The following SEM1 variants were observed in gnomAD, a reference collection of about 807,000 sequenced individuals.
SEM1 encodes SEM1 26S proteasome subunit.
In SEM1, 3 loss-of-function variants were observed where a neutral mutation model predicts 12.7. The ratio of observed to expected loss-of-function variants is 0.24; its 90% CI spans 0.11 to 0.61. The LOEUF is 0.61. SEM1 is among the 20% of genes least tolerant of loss of function. The pLI, the probability that SEM1 is intolerant of heterozygous loss-of-function variation, is 0.88. For synonymous variants in SEM1, 30 were observed against 27.8 expected (o/e 1.08, Z -0.25); for missense variants, 59 against 81.3 (o/e 0.73, Z 1.06).
chr7:96,588,377 C>G lies in SEM1; in HGVS notation c.171-81679G>C, dbSNP rs1359801455. ...AAACACACACACACACACACACACACACACACACACACACACACACGAGAG... is the reference window on the plus strand; with the variant it reads ...AAACACACACACACACACACACACAGACACACACACACACACACACGAGAG... On this transcript the variant is annotated intron_variant and NMD_transcript_variant, in intron 2 of 3. Coordinates refer to the SEM1 transcript ENST00000466986. Among the ~76,000 whole-genome samples the G allele has an allele frequency of 8.8e-5, 11 of 125,682 alleles. 1 individual carries two copies. In the East Asian group the frequency reaches 1.8e-3, roughly 20 times the overall value. 82.5% of individuals were successfully genotyped at this position (125,682 alleles called of 152,430 possible).
intron 2 of SEM1, among the ~76,000 whole-genome samples, chr7:96,594,501 G>A (rs890315740): frequency 1.3e-5 from 2 of 152,114 alleles, no homozygotes; most frequent in Non-Finnish European, 2.9e-5. Context: ...GGATGCATAG[G>A]TAAGTGAGTC....
chr7:96,599,071 A>G (rs368691937), intron 2 of SEM1, among the ~76,000 whole-genome samples: 1 of 152,174 alleles, frequency 6.6e-6, no homozygotes, highest in East Asian at 1.9e-4. Flanking sequence ...GAAGGAAGGA[A>G]GAAGGAAGGG....
chr7:96,703,240 C>T (rs1790327128), intron 1 of SEM1, among the ~76,000 whole-genome samples: 2 of 152,042 alleles, frequency 1.3e-5, no homozygotes, highest in African/African-American at 2.4e-5. Flanking sequence ...TTTGAGATTC[C>T]GGAGGATTTC....
chr7:96,677,912 A>G (rs1407943694), intron 2 of SEM1, among the ~76,000 whole-genome samples: 2 of 152,198 alleles, frequency 1.3e-5, no homozygotes, highest in African/African-American at 2.4e-5. Context: ...TTTTCACCCT[A>G]AAGTCCAGGA....
At chr7:96,669,938 T>G (rs994512325), downstream of SEM1, among the ~76,000 whole-genome samples, 1 of 152,216 alleles carries the variant, frequency 6.6e-6, no homozygotes, top group Non-Finnish European at 1.5e-5. Flanking sequence ...ATCTCATTAA[T>G]CCTACAATAA....
chr7:96,636,169 G>A (rs957207390), intron 2 of SEM1, among the ~76,000 whole-genome samples: 2 of 152,016 alleles, frequency 1.3e-5, no homozygotes, highest in Non-Finnish European at 1.5e-5. Flanking sequence ...CTGGAAAGGT[G>A]TGCAATATAA....
chr7:96,698,664 A>G lies in SEM1; in HGVS notation c.77-3773T>C, dbSNP rs75768239. Among the ~76,000 whole-genome samples the G allele has an allele frequency of 2.9e-3, 442 of 152,256 alleles. 2 individuals are homozygous for G. The highest frequency in any genetic ancestry group is 6.8e-3 in the Middle Eastern group (2 of 292). ...CCACCTTTTCTTTAACCAGTCCGTC[A>G]CTGATGGCCATTGGGATCGGTTCCA... is the stretch of plus-strand genomic sequence containing the variant. On this transcript the variant is annotated intron_variant, in intron 1 of 2. Coordinates refer to ENST00000248566, the MANE Select transcript of SEM1 (RefSeq NM_006304.2).
At chr7:96,682,517 T>C (rs928900297) in intron 2 of SEM1, among the ~76,000 whole-genome samples, 1 of 152,128 alleles carries the variant, frequency 6.6e-6, no homozygotes, top group African/African-American at 2.4e-5. Flanking sequence ...ACATTGGCTG[T>C]GGGTTTGTCA....
intron 2 of SEM1, among the ~76,000 whole-genome samples, chr7:96,577,631 C>A (rs568141423): frequency 2.6e-5 from 4 of 151,866 alleles, no homozygotes; most frequent in East Asian, 3.9e-4. Flanking sequence ...GAATTCAATG[C>A]CCTTGGAAAA....
intron 2 of SEM1, among the ~76,000 whole-genome samples, chr7:96,625,779 G>C (rs1194392260): frequency 6.6e-6 from 1 of 152,150 alleles, no homozygotes; most frequent in African/African-American, 2.4e-5. Flanking sequence ...GCTACACTTT[G>C]GGTTTACACG....
In SEM1 at chr7:96,579,943, C is replaced by T. The variant is rs753246310; in HGVS notation, c.171-73245G>A. ...ATTTTAAAAAATTTAAAACCTATTT[C>T]CTCACCTTTCAATTTTTTTAATTTA... On this transcript the variant is annotated intron_variant and NMD_transcript_variant, in intron 2 of 3. Transcript: ENST00000466986. Among the ~76,000 whole-genome samples the T allele has an allele frequency of 3.5e-5, 3 of 84,842 alleles. No individual in the cohort carries two copies. In the South Asian group the frequency reaches 1.6e-3, roughly 44 times the overall value. The allele number at this position is 84,842 out of a possible 152,430, so 55.7% of individuals were successfully genotyped here. A position where few individuals can be genotyped will look rare whatever the true frequency, so the allele number is the denominator to read the frequency against.
intron 2 of SEM1, among the ~76,000 whole-genome samples, chr7:96,509,773 T>G (rs1017087451): frequency 6.6e-6 from 1 of 152,134 alleles, no homozygotes; most frequent in Non-Finnish European, 1.5e-5. Flanking sequence ...AACGTTATGC[T>G]AGGTGAAATA....
chr7:96,630,342 C>T (rs1177494609), intron 2 of SEM1, among the ~76,000 whole-genome samples: 1 of 152,142 alleles, frequency 6.6e-6, no homozygotes, highest in Non-Finnish European at 1.5e-5. Flanking sequence ...ACTCAAGCCA[C>T]AAGGCACAGT....
intron 2 of SEM1, among the ~76,000 whole-genome samples, chr7:96,569,876 A>G (rs907015701): frequency 2.0e-5 from 3 of 151,974 alleles, no homozygotes; most frequent in African/African-American, 7.2e-5. Context: ...ATTCTTTTTT[A>G]TGGCTCGGTA....
chr7:96,673,621 G>A (rs1789378905), exon 3 of SEM1: 2 of 637,816 alleles, frequency 3.1e-6, no homozygotes, highest in Non-Finnish European at 2.9e-6. Flanking sequence ...CTGAAATGCT[G>A]TAGCACCACC....
intron 2 of SEM1, among the ~76,000 whole-genome samples, chr7:96,689,183 TG>T (rs1369419115): frequency 6.6e-6 from 1 of 152,120 alleles, no homozygotes; most frequent in African/African-American, 2.4e-5. Context: ...TTATTTAACT[TG>T]TATTTTATCT....
chr7:96,589,283 G>A (rs2116124469), intron 2 of SEM1, among the ~76,000 whole-genome samples: 1 of 152,260 alleles, frequency 6.6e-6, no homozygotes, highest in African/African-American at 2.4e-5. Flanking sequence ...CCTCCAGGTG[G>A]TTCTGGTACT....
chr7:96,515,705 G>C lies in SEM1; in HGVS notation c.171-9007C>G, dbSNP rs1804073031. Among the ~76,000 whole-genome samples the C allele has an allele frequency of 2.0e-5, 3 of 152,154 alleles. No homozygotes were observed. The East Asian group carries it at 5.8e-4, about 29-fold the overall frequency. ...GGAATACTATGCAGCCATAAAAAAG[G>C]ATGAGTTCCTGCCCTTTGCAGGGAC... On this transcript the variant is annotated intron_variant and NMD_transcript_variant, in intron 2 of 3. Transcript: ENST00000466986.
chr7:96,672,173 G>T (rs527546011), downstream of SEM1, among the ~76,000 whole-genome samples: 1 of 152,268 alleles, frequency 6.6e-6, no homozygotes, highest in East Asian at 1.9e-4. Flanking sequence ...CTTCTGTGTA[G>T]TACTTTGCAC....
Sources: allele counts gnomAD v4.1 joint callset (sites outside exome capture counted in the v4.1 genomes callset), GRCh38; gene constraint gnomAD v4.1.1; transcripts MANE v1.5; gene names NCBI Gene and HGNC (gene_info 2026-07-23, HGNC 2026-07-21).